Variants in ATXN1 observed in about 807,000 individuals in gnomAD.
ATXN1 encodes ataxin-1.
A neutral mutation model predicts 56.4 loss-of-function variants in ATXN1; 8 were observed. That is an observed-to-expected ratio of 0.14 (90% CI 0.08 to 0.26). ATXN1 has a LOEUF of 0.26. ATXN1 is among the 10% of genes least tolerant of loss of function. ATXN1 has a pLI of 1.00. For missense variants in ATXN1, 987 were observed against 1,106.5 expected (o/e 0.89, Z 1.53); for synonymous variants, 514 against 494.6 (o/e 1.04, Z -0.52).
At chr6:16,413,043 CA>C (rs1217302130) in intron 6 of ATXN1, among the ~76,000 whole-genome samples, 1 of 152,202 alleles carries the variant, frequency 6.6e-6, no homozygotes, top group Non-Finnish European at 1.5e-5. Flanking sequence ...GAAAAAGAGT[CA>C]TCCTAAACCA....
chr6:16,617,622 C>G (rs1763238159), intron 3 of ATXN1, among the ~76,000 whole-genome samples: 1 of 151,956 alleles, frequency 6.6e-6, no homozygotes, highest in East Asian at 1.9e-4. Context: ...CAAAAATTAG[C>G]CGGGCGTGGT....
At chr6:16,530,502 C>A (rs1456270998) in intron 4 of ATXN1, among the ~76,000 whole-genome samples, 1 of 152,132 alleles carries the variant, frequency 6.6e-6, no homozygotes. Context: ...CAAAAGGTAA[C>A]CTCTTAGCAG....
At chr6:16,669,083 C>T (rs919630273) in intron 2 of ATXN1, among the ~76,000 whole-genome samples, 4 of 152,164 alleles carry the variant, frequency 2.6e-5, no homozygotes, top group South Asian at 4.1e-4. Context: ...GTCAAACTCA[C>T]GAGGCATTTC....
chr6:16,453,631 A>G (rs1759801386), intron 6 of ATXN1, among the ~76,000 whole-genome samples: 1 of 152,158 alleles, frequency 6.6e-6, no homozygotes, highest in South Asian at 2.1e-4. Context: ...TAAAAACTTC[A>G]AATGAAAGAG....
chr6:16,518,191 T>C (rs553349512), intron 5 of ATXN1, among the ~76,000 whole-genome samples: 1 of 152,092 alleles, frequency 6.6e-6, no homozygotes, highest in African/African-American at 2.4e-5. Context: ...GGAGCAGAAA[T>C]ATGGCCAGAG....
At chr6:16,729,834 G>C (rs141056728) in intron 2 of ATXN1, among the ~76,000 whole-genome samples, 1 of 152,218 alleles carries the variant, frequency 6.6e-6, no homozygotes, top group Non-Finnish European at 1.5e-5. Flanking sequence ...ATGGCCCTCT[G>C]AACATCAGTC....
At chr6:16,539,689 T>C (rs1170894905) in intron 4 of ATXN1, among the ~76,000 whole-genome samples, 1 of 152,210 alleles carries the variant, frequency 6.6e-6, no homozygotes, top group Non-Finnish European at 1.5e-5. Flanking sequence ...GATCCACCTC[T>C]GTGGCTTAGT....
chr6:16,731,449 C>CTT (rs1250658347), intron 2 of ATXN1, among the ~76,000 whole-genome samples: 2 of 41,064 alleles, frequency 4.9e-5, no homozygotes, highest in South Asian at 8.6e-4. Context: ...CTTTTTTTTT[C>CTT]TTTTCTTTTT....
chr6:16,684,113 G>A (rs1758869454), intron 2 of ATXN1, among the ~76,000 whole-genome samples: 1 of 152,172 alleles, frequency 6.6e-6, no homozygotes. Context: ...AAACTTCAGG[G>A]ACTATTGTCA....
chr6:16,452,013 G>A (rs1581772333), intron 6 of ATXN1, among the ~76,000 whole-genome samples: 1 of 152,128 alleles, frequency 6.6e-6, no homozygotes, highest in Non-Finnish European at 1.5e-5. Flanking sequence ...GTCCCCTTAG[G>A]CGTCCGAATG....
chr6:16,411,919 A>G (rs1758808000), intron 6 of ATXN1, among the ~76,000 whole-genome samples: 1 of 152,142 alleles, frequency 6.6e-6, no homozygotes, highest in Non-Finnish European at 1.5e-5. Flanking sequence ...CCCTTAGTAG[A>G]TTGTCAGCTT....
At chr6:16,734,396 G>A (rs1050271026) in intron 2 of ATXN1, among the ~76,000 whole-genome samples, 3 of 151,946 alleles carry the variant, frequency 2.0e-5, no homozygotes, top group African/African-American at 7.3e-5. Context: ...GATGGTGCGA[G>A]AAAAGAAGGA....
intron 6 of ATXN1, among the ~76,000 whole-genome samples, chr6:16,411,870 T>C (rs1054310564): frequency 2.0e-5 from 3 of 152,252 alleles, no homozygotes; most frequent in African/African-American, 4.8e-5. Context: ...TCTTGTCCTT[T>C]GTGTTTAAGT....
At chr6:16,586,157 G>T (rs1000584697) in intron 3 of ATXN1, among the ~76,000 whole-genome samples, 1 of 152,066 alleles carries the variant, frequency 6.6e-6, no homozygotes, top group South Asian at 2.1e-4. Flanking sequence ...GCCAGGGGTT[G>T]CTTCCCACCC....
intron 6 of ATXN1, among the ~76,000 whole-genome samples, chr6:16,463,007 C>T (rs1760030510): frequency 6.6e-6 from 1 of 152,132 alleles, no homozygotes; most frequent in Admixed American, 6.6e-5. Context: ...GGAATACCTT[C>T]TCATCCTCTC....
Position 16,760,928 on chromosome 6 carries a change from C to T in ATXN1, c.-730+370G>A, listed in dbSNP as rs926726968. ...GCCGCCGCCGCTCTCCCCGCCCGCGCCCCCCGCCCGGGCGCGCCCCCTAGC... is the reference window on the plus strand; with the variant it reads ...GCCGCCGCCGCTCTCCCCGCCCGCGTCCCCCGCCCGGGCGCGCCCCCTAGC... On this transcript the variant is annotated intron_variant, in intron 1 of 7. Transcript: ENST00000436367. The surrounding 1 kb of genome is among the most constrained non-coding windows in gnomAD (Gnocchi z 5.3). 3.4e-5 allele frequency among the ~76,000 whole-genome samples: 5 copies of T among 148,626 alleles called. No homozygotes were observed. Among genetic ancestry groups the T allele is most frequent in the African/African-American group, 7.4e-5 (3 of 40,776 alleles).
At chr6:16,690,703 G>A (rs568271264) in intron 2 of ATXN1, among the ~76,000 whole-genome samples, 56 of 152,176 alleles carry the variant, frequency 3.7e-4, no homozygotes, top group African/African-American at 1.2e-3. Flanking sequence ...ATGCTATTTC[G>A]ACTTCTACTA....
chr6:16,309,048 T>G (rs1027602418), intron 7 of ATXN1, among the ~76,000 whole-genome samples: 1 of 151,300 alleles, frequency 6.6e-6, no homozygotes, highest in African/African-American at 2.4e-5. Flanking sequence ...GGCAACAAAA[T>G]GAGACCCCGT....
chr6:16,655,198 T>C (rs1758170360), intron 3 of ATXN1, among the ~76,000 whole-genome samples: 1 of 152,058 alleles, frequency 6.6e-6, no homozygotes, highest in African/African-American at 2.4e-5. Flanking sequence ...AGGACAGTAT[T>C]TCAAAAGAAG....
Sources: gnomAD v4.1 joint callset for allele counts (sites outside exome capture counted in the v4.1 genomes callset) on GRCh38, gnomAD v4.1.1 for gene constraint, Gnocchi (gnomAD v3.1) non-coding constraint, MANE v1.5 for transcripts, NCBI Gene and HGNC (gene_info 2026-07-23, HGNC 2026-07-21) for gene names.